Variants in MYRFL observed in about 807,000 individuals in gnomAD.
MYRFL encodes the protein myelin regulatory factor-like protein.
A neutral mutation model predicts 109.4 loss-of-function variants in MYRFL; 88 were observed. The observed-to-expected ratio is 0.80, with a 90% CI of 0.68 to 0.96. The LOEUF is 0.96. MYRFL is among the 40% of genes least tolerant of loss of function. The probability of loss-of-function intolerance (pLI) is 0.00; values close to 1 mark genes in which losing one functional copy is unlikely to be tolerated. For missense variants in MYRFL, 957 were observed against 954.9 expected, an observed-to-expected ratio of 1.00 and a Z score of -0.03; for synonymous variants, 324 against 320.9, an observed-to-expected ratio of 1.01 and a Z score of -0.10.
intron 1 of MYRFL, 120 bp from the exon 2 acceptor site, chr12:69,855,160 G>C (rs986122492): frequency 5.9e-6 from 3 of 506,932 alleles, no homozygotes; most frequent in Non-Finnish European, 1.1e-5. Flanking sequence ...CCATGCTGTT[G>C]ATCCTTGTGG....
chr12:69,831,648 CA>C (rs1374386479), intron 1 of MYRFL, among the ~76,000 whole-genome samples: 1 of 152,104 alleles, frequency 6.6e-6, no homozygotes, highest in Non-Finnish European at 1.5e-5. Flanking sequence ...CACAGAGAGA[CA>C]GTAATTTTTA....
chr12:69,936,429 T>A (rs11177975), intron 18 of MYRFL, 24 bp from the exon 19 acceptor site: 1 of 1,529,512 alleles, frequency 6.5e-7, no homozygotes, highest in Non-Finnish European at 8.8e-7. Context: ...TTGCTTCCCC[T>A]CCCCCCTGCC....
At position 69,887,655 on chromosome 12, in the gene MYRFL, GTTAAAATTTTCCAAATTCAAATT is replaced by G. The variant is rs532808444; in HGVS notation, c.707+708_707+730del. 3.1e-3 allele frequency among the ~76,000 whole-genome samples: 466 copies of G among 152,228 alleles called. 2 individuals are homozygous for G. The highest frequency in any genetic ancestry group is 0.011 in the African/African-American group (445 of 41,538). On this transcript the variant is annotated intron_variant, in intron 6 of 24. Coordinates refer to ENST00000552032, the MANE Select transcript of MYRFL (RefSeq NM_182530.3). Reference sequence around the variant, plus strand: ...GAATTTTCATTGGGCTATAACTTAAGTTAAAATTTTCCAAATTCAAATTTTAAAATTTTCCAAATTCAAATACT... The same window carrying G: ...GAATTTTCATTGGGCTATAACTTAAGTTAAAATTTTCCAAATTCAAATACT...
At chr12:69,957,610 A>ATAGC (rs2120567231) in intron 22 of MYRFL, among the ~76,000 whole-genome samples, 1 of 152,326 alleles carries the variant, frequency 6.6e-6, no homozygotes, top group Admixed American at 6.5e-5. Flanking sequence ...TACTATTTCG[A>ATAGC]TAGCTATCTG....
Position 69,836,324 on chromosome 12 carries a change from C to T in MYRFL, c.46+10761C>T, listed in dbSNP as rs576181239. Among the ~76,000 whole-genome samples, 6 of 152,222 alleles carry T rather than the reference C, an allele frequency of 3.9e-5. No individual in the cohort carries two copies. In the East Asian group the frequency reaches 5.8e-4, roughly 15 times the overall value. On this transcript the variant is annotated intron_variant, in intron 1 of 24. Coordinates refer to ENST00000552032, the MANE Select transcript of MYRFL (RefSeq NM_182530.3). ...GTTTTTATAGGCACAGGATGGGGGA[C>T]GTGGCAGGCCAGGGTGGTCATGGGA...
intron 19 of MYRFL, among the ~76,000 whole-genome samples, chr12:69,939,955 G>T (rs1592874911): frequency 6.6e-6 from 1 of 152,174 alleles, no homozygotes; most frequent in East Asian, 1.9e-4. Flanking sequence ...AATGGAAGAT[G>T]AAATGGATGA....
intron 1 of MYRFL, 98 bp downstream of exon 1, chr12:69,825,661 G>C: frequency 1.5e-6 from 1 of 657,782 alleles, no homozygotes; most frequent in Non-Finnish European, 2.7e-6. Flanking sequence ...TGTTTTGAAA[G>C]AAATGCTATC....
At chr12:69,843,712 A>G (rs558152340) in intron 1 of MYRFL, among the ~76,000 whole-genome samples, 11 of 152,270 alleles carry the variant, frequency 7.2e-5, no homozygotes, top group African/African-American at 2.6e-4. Flanking sequence ...TTGTCTTCCT[A>G]CGGCCAAGAG....
intron 19 of MYRFL, among the ~76,000 whole-genome samples, chr12:69,950,718 G>GT (rs1488931781): frequency 3.3e-5 from 5 of 152,202 alleles, no homozygotes; most frequent in Non-Finnish European, 1.5e-5. Context: ...AGAATGGGCA[G>GT]TGAGTCCCTT....
intron 1 of MYRFL, among the ~76,000 whole-genome samples, chr12:69,839,747 G>T (rs2136316127): frequency 6.6e-6 from 1 of 152,258 alleles, no homozygotes; most frequent in South Asian, 2.1e-4. Flanking sequence ...TACATAATAA[G>T]AGTTCACTAA....
At chr12:69,954,314 T>C (rs1210787386) in intron 21 of MYRFL, among the ~76,000 whole-genome samples, 2 of 152,196 alleles carry the variant, frequency 1.3e-5, no homozygotes, top group African/African-American at 4.8e-5. Flanking sequence ...GAGAGACATC[T>C]TAGGAAATGC....
At chr12:69,925,718 G>A (rs7299408) in intron 13 of MYRFL, among the ~76,000 whole-genome samples, 8,417 of 152,116 alleles carry the variant, frequency 0.055, 761 homozygotes, top group African/African-American at 0.19. Flanking sequence ...GGGTTTGGTT[G>A]GTCTCCCCTT....
chr12:69,891,662 TTTCTTTCTTTCTTTCTTTCTTTCGTTCG>T (rs1566002539), intron 7 of MYRFL, among the ~76,000 whole-genome samples: 4 of 102,124 alleles, frequency 3.9e-5, no homozygotes, highest in African/African-American at 8.6e-5. Context: ...TCTTTCTTTC[TTTCTTTCTTTCTTTCTTTCTTTCGTTCG>T]TTCGTTCTTT....
chr12:69,926,829 C>T lies in MYRFL; in HGVS notation c.1766+95C>T, dbSNP rs557577228. On this transcript the variant is annotated intron_variant, in intron 14 of 24. Transcript: ENST00000552032. ...AATCTAAATGGTCTTTTTGATCAAA[C>T]AGCAACCGCTACTTTCTGATAATGA... 2.7e-6 allele frequency: 3 copies of T among 1,098,630 alleles called. No individual in the cohort carries two copies. The East Asian group carries it at 9.5e-5, about 35-fold the overall frequency. 68.1% of individuals were successfully genotyped at this position (1,098,630 alleles called of 1,614,324 possible). A position where few individuals can be genotyped will look rare whatever the true frequency, so the allele number is the denominator to read the frequency against.
rs1217671612 is a variant in MYRFL, at chr12:69,934,420, T to C, written c.1917-1693T>C. ...GGGGTGTTAGGGTGCTAATTAGTGT[T>C]TTTAGCTCTGCCATCTGCAGCCCAA... is the stretch of plus-strand genomic sequence containing the variant. On this transcript the variant is annotated intron_variant, in intron 16 of 24. Transcript: ENST00000552032. Among the ~76,000 whole-genome samples, 4 of 152,260 alleles carry C rather than the reference T, an allele frequency of 2.6e-5. No homozygotes were observed. In the East Asian group the frequency reaches 7.7e-4, roughly 29 times the overall value.
chr12:69,897,222 C>T lies in MYRFL; in HGVS notation c.1158C>T (p.His386=), dbSNP rs1954024793. ...NQDQFYLLSA[H]ISERIIVRAS... is the part of the protein sequence containing the mutation. ...ACCAGTTCTATCTGTTGTCTGCCCA[C>T]ATCTCTGAAAGGATCATTGTAAGGG... Residue 386 remains histidine, a synonymous_variant, in exon 10 of 25, where the codon CAC becomes CAT. Transcript: ENST00000552032. 5 of 1,535,676 alleles carry T rather than the reference C, an allele frequency of 3.3e-6. No homozygotes were observed. The highest frequency in any genetic ancestry group is 1.4e-5 in the African/African-American group (1 of 73,034).
At chr12:69,828,870 A>C (rs1882447656) in intron 1 of MYRFL, among the ~76,000 whole-genome samples, 1 of 152,164 alleles carries the variant, frequency 6.6e-6, no homozygotes, top group Non-Finnish European at 1.5e-5. Context: ...GTTTATTAAA[A>C]ATGATTTGAA....
chr12:69,923,735 G>A (rs1954982602), intron 13 of MYRFL, among the ~76,000 whole-genome samples: 2 of 151,650 alleles, frequency 1.3e-5, no homozygotes, highest in Non-Finnish European at 2.9e-5. Context: ...CTCTGGGAAT[G>A]GGCAGTCAAA....
chr12:69,936,107 T>TTTAAA lies in MYRFL; in HGVS notation c.1917-6_1917-5insTTAAA. On this transcript the variant is annotated splice_region_variant and splice_polypyrimidine_tract_variant and intron_variant, in intron 16 of 24. Transcript: ENST00000552032. ...TTTTTTTTTTTTTTTTTTTTTTTTTTGACAGTGCTTTGACGATAGTTGCCC... is the reference window on the plus strand; with the variant it reads ...TTTTTTTTTTTTTTTTTTTTTTTTTTTTAAAGACAGTGCTTTGACGATAGTTGCCC... 4.1e-6 allele frequency: 3 copies of TTTAAA among 739,072 alleles called. No individual in the cohort carries two copies. The highest frequency in any genetic ancestry group is 5.9e-6 in the Non-Finnish European group (3 of 508,878). The allele number at this position is 739,072 out of a possible 1,614,324, so 45.8% of individuals were successfully genotyped here.
Sources: allele counts gnomAD v4.1 joint callset (sites outside exome capture counted in the v4.1 genomes callset), GRCh38; gene constraint gnomAD v4.1.1; transcripts MANE v1.5; gene names NCBI Gene and HGNC (gene_info 2026-07-23, HGNC 2026-07-21).